TRIB1: variants seen among roughly 807,000 people sequenced by gnomAD.
TRIB1 encodes the protein tribbles pseudokinase 1.
Under a neutral mutation model 27.8 loss-of-function variants are expected in TRIB1, and 12 were observed. That is an observed-to-expected ratio of 0.43 (90% CI 0.28 to 0.70). The LOEUF (loss-of-function observed/expected upper bound fraction) is 0.70. Among genes scored for constraint, TRIB1 ranks in the 30% least tolerant of loss-of-function variants. TRIB1 has a pLI of 0.18. For synonymous variants in TRIB1, 230 were observed against 224.9 expected (o/e 1.02, Z -0.20); for missense variants, 475 against 515.8 (o/e 0.92, Z 0.77).
At position 125,430,606 on chromosome 8, in the gene TRIB1, C is replaced by G. The variant is rs1451675124; in HGVS notation, c.-297C>G. 2 of 315,642 alleles carry G rather than the reference C, an allele frequency of 6.3e-6. No homozygotes were observed. The highest frequency in any genetic ancestry group is 4.3e-5 in the African/African-American group (2 of 46,360). 19.6% of individuals were successfully genotyped at this position (315,642 alleles called of 1,614,324 possible). ...CTCTGCCTCCCGGACTATCGGCAGC[C>G]TCGGCAACAATAGTGGCGGCCGCCC... On this transcript the variant is annotated 5_prime_UTR_variant, in exon 1 of 3. Transcript: ENST00000311922.
rs766616585 is a variant in TRIB1, at chr8:125,433,655, C to G, written c.653+46C>G. The G allele has an allele frequency of 6.3e-7, 1 of 1,583,040 alleles. No homozygotes were observed. On this transcript the variant is annotated intron_variant, in intron 2 of 2. Coordinates refer to ENST00000311922, the MANE Select transcript of TRIB1 (RefSeq NM_025195.4). This position sits in a 1 kb window ranked among gnomAD's most constrained non-coding sequence, Gnocchi z 4.4. ...CTCCTGTGGCCTTTTGGAACCAAAG[C>G]GGAGGTGCAGGTCATGTAGTTAGGT...
chr8:125,432,561 A>G (rs1001704480), intron 1 of TRIB1, among the ~76,000 whole-genome samples: 1 of 152,128 alleles, frequency 6.6e-6, no homozygotes, highest in Non-Finnish European at 1.5e-5. Flanking sequence ...AAAGGCCTTT[A>G]AAGAGACCAG....
Position 125,430,681 on chromosome 8 carries a change from C to T in TRIB1, c.-222C>T. ...CCTGCGGGGGTCCGGGGACTCGAGC[C>T]GGCCTCCGCCTCCCGGACGCACAGC... On this transcript the variant is annotated 5_prime_UTR_variant, in exon 1 of 3. Coordinates refer to ENST00000311922, the MANE Select transcript of TRIB1 (RefSeq NM_025195.4). 4.0e-6 allele frequency: 2 copies of T among 502,864 alleles called. No individual in the cohort carries two copies. The highest frequency in any genetic ancestry group is 6.3e-6 in the Non-Finnish European group (2 of 315,718). The allele number at this position is 502,864 out of a possible 1,614,324, so 31.2% of individuals were successfully genotyped here.
At position 125,431,125 on chromosome 8, in the gene TRIB1, G is replaced by A. The variant is rs1814648051; in HGVS notation, c.223G>A (p.Ala75Thr). 2 of 1,319,468 alleles carry A rather than the reference G, an allele frequency of 1.5e-6. No individual in the cohort carries two copies. The highest frequency in any genetic ancestry group is 2.2e-5 in the South Asian group (1 of 44,848). The allele number at this position is 1,319,468 out of a possible 1,614,324, so 81.7% of individuals were successfully genotyped here. Residue 75 changes from alanine (A) to threonine (T), a missense_variant, in exon 1 of 3, where the codon GCT (alanine) becomes ACT (threonine). Coordinates refer to ENST00000311922, the MANE Select transcript of TRIB1 (RefSeq NM_025195.4). Reference sequence around the variant, plus strand: ...CTGCAGCCCGCAGCCCCCGCCTGCCGCTCCGGGGGCCGGCGGAGGCTCCGG... The same window carrying A: ...CTGCAGCCCGCAGCCCCCGCCTGCCACTCCGGGGGCCGGCGGAGGCTCCGG... Reference protein sequence around the residue: ...SPCSPQPPPAAPGAGGGSGSA... With the variant: ...SPCSPQPPPATPGAGGGSGSA...
rs1237411038 is a variant in TRIB1, at chr8:125,430,929, C to T, written c.27C>T (p.Ala9=). The T allele has an allele frequency of 6.8e-7, 1 of 1,467,880 alleles. No homozygotes were observed. Among genetic ancestry groups the T allele is most frequent in the Non-Finnish European group, 9.0e-7 (1 of 1,117,144 alleles). The allele number at this position is 1,467,880 out of a possible 1,614,324, so 90.9% of individuals were successfully genotyped here. A position where few individuals can be genotyped will look rare whatever the true frequency, so the allele number is the denominator to read the frequency against. Residue 9 remains alanine (A), a synonymous_variant, in exon 1 of 3, where the codon GCC becomes GCT. Transcript: ENST00000311922. MRVGPVRS[A]MSGASQPRGP... is the part of the protein sequence containing the mutation. ...TGCGGGTCGGTCCGGTGCGCTCTGC[C>T]ATGAGCGGCGCCTCGCAGCCCCGCG...
chr8:125,431,119 C>T lies in TRIB1; in HGVS notation c.217C>T (p.Pro73Ser). 7.6e-7 allele frequency: 1 copy of T among 1,322,266 alleles called. No individual in the cohort carries two copies. Among genetic ancestry groups the T allele is most frequent in the Non-Finnish European group, 9.6e-7 (1 of 1,043,842 alleles). The allele number at this position is 1,322,266 out of a possible 1,614,324, so 81.9% of individuals were successfully genotyped here. Residue 73 changes from proline (P) to serine (S), a missense_variant, in exon 1 of 3, where the codon CCT becomes TCT. Physicochemically the swap from Pro to Ser is moderately conservative, Grantham distance 74 (BLOSUM62 -1). Coordinates refer to ENST00000311922, the MANE Select transcript of TRIB1 (RefSeq NM_025195.4). ...CTCGCCCTGCAGCCCGCAGCCCCCGCCTGCCGCTCCGGGGGCCGGCGGAGG... is the reference window on the plus strand; with the variant it reads ...CTCGCCCTGCAGCCCGCAGCCCCCGTCTGCCGCTCCGGGGGCCGGCGGAGG... ...PGSPCSPQPP[P>S]AAPGAGGGSG...
rs78608330 is a variant in TRIB1 at position 125,433,956 on chromosome 8, G to A, written c.653+347G>A. 0.027 allele frequency among the ~76,000 whole-genome samples: 4,107 copies of A among 152,276 alleles called. 112 individuals are homozygous for A. Among genetic ancestry groups the A allele is most frequent in the East Asian group, 0.11 (548 of 5,180 alleles). Reference sequence around the variant, plus strand: ...GCCCTTTACGATATTGCCTTCTGAAGGAAGTGTTCAAATCTTTGCTTATGC... The same window carrying A: ...GCCCTTTACGATATTGCCTTCTGAAAGAAGTGTTCAAATCTTTGCTTATGC... On this transcript the variant is annotated intron_variant, in intron 2 of 2. Transcript: ENST00000311922. The surrounding 1 kb of genome is among the most constrained non-coding windows in gnomAD (Gnocchi z 4.4).
rs1381504322 is a variant in TRIB1, at chr8:125,433,303, C to G, written c.361-14C>G. The G allele has an allele frequency of 1.2e-6, 2 of 1,603,804 alleles. No homozygotes were observed. Among genetic ancestry groups the G allele is most frequent in the Admixed American group, 1.7e-5 (1 of 59,760 alleles). The stretch of plus-strand genomic sequence containing the variant: ...TTTTCTAGCCCCCTAAACGGGCCCC[C>G]CTTCTCTCTACAGGTGTTTCCCATT... On this transcript the variant is annotated splice_polypyrimidine_tract_variant and intron_variant, in intron 1 of 2. Coordinates refer to ENST00000311922, the MANE Select transcript of TRIB1 (RefSeq NM_025195.4). This position sits in a 1 kb window ranked among gnomAD's most constrained non-coding sequence, Gnocchi z 4.4.
rs529250403 is a variant in TRIB1, at chr8:125,433,204, C to T, written c.361-113C>T. Reference sequence around the variant, plus strand: ...AGAGGAAAGGAGTAGGTGAATGGAACTTACTCACATCCTAAGCCCACAGGT... The same window carrying T: ...AGAGGAAAGGAGTAGGTGAATGGAATTTACTCACATCCTAAGCCCACAGGT... On this transcript the variant is annotated intron_variant, in intron 1 of 2. Coordinates refer to ENST00000311922, the MANE Select transcript of TRIB1 (RefSeq NM_025195.4). The surrounding 1 kb of genome is among the most constrained non-coding windows in gnomAD (Gnocchi z 4.4). 2.6e-6 allele frequency: 3 copies of T among 1,160,244 alleles called. No homozygotes were observed. The highest frequency in any genetic ancestry group is 3.2e-5 in the African/African-American group (2 of 63,224). The allele number at this position is 1,160,244 out of a possible 1,614,324, so 71.9% of individuals were successfully genotyped here.
chr8:125,436,357 C>T lies in TRIB1; in HGVS notation c.1005C>T (p.His335=), dbSNP rs367840881. ...ERLTAPEILL[H]PWFESVLEPG... is the part of the protein sequence containing the mutation. ...TCACTGCCCCCGAGATCCTACTGCA[C>T]CCCTGGTTTGAGTCCGTCTTGGAAC... is the stretch of plus-strand genomic sequence containing the variant. Residue 335 remains histidine, a synonymous_variant, in exon 3 of 3, where the codon CAC becomes CAT. Coordinates refer to ENST00000311922, the MANE Select transcript of TRIB1 (RefSeq NM_025195.4). 8.7e-6 allele frequency: 14 copies of T among 1,613,886 alleles called. No individual in the cohort carries two copies. Among genetic ancestry groups the T allele is most frequent in the Non-Finnish European group, 1.2e-5 (14 of 1,180,016 alleles).
rs114613908 is a variant in TRIB1, at chr8:125,434,063, C to T, written c.653+454C>T. ...CAGAATTCCACCCTCTTGTTTCACA[C>T]AGCATTCCTCTCCCATCCCAGTCCA... On this transcript the variant is annotated intron_variant, in intron 2 of 2. Transcript: ENST00000311922. Among the ~76,000 whole-genome samples, 1,098 of 152,310 alleles carry T rather than the reference C, an allele frequency of 7.2e-3. 13 individuals are homozygous for T. Among genetic ancestry groups the T allele is most frequent in the African/African-American group, 0.025 (1,049 of 41,552 alleles).
chr8:125,431,286 C>T, intron 1 of TRIB1, 24 bp downstream of exon 1: 3 of 1,252,876 alleles, frequency 2.4e-6, no homozygotes, highest in South Asian at 3.3e-5. Context: ...GGCCAGGACC[C>T]GGCTGGGGTC....
intron 2 of TRIB1, 97 bp from the exon 3 acceptor site, chr8:125,435,909 C>G (rs570640714): frequency 3.0e-6 from 3 of 1,010,308 alleles, no homozygotes; most frequent in South Asian, 1.6e-5. Flanking sequence ...ATTCCTGGAG[C>G]CTTTGCTGTT....
chr8:125,430,782 C>A lies in TRIB1; in HGVS notation c.-121C>A. The A allele has an allele frequency of 7.9e-7, 1 of 1,269,892 alleles. No homozygotes were observed. Among genetic ancestry groups the A allele is most frequent in the Non-Finnish European group, 1.0e-6 (1 of 991,924 alleles). 78.7% of individuals were successfully genotyped at this position (1,269,892 alleles called of 1,614,324 possible). A position where few individuals can be genotyped will look rare whatever the true frequency, so the allele number is the denominator to read the frequency against. On this transcript the variant is annotated 5_prime_UTR_variant, in exon 1 of 3. Transcript: ENST00000311922. ...GCCCCTCGTGGGGGCCGAGCCAAGACCAGTCTGCAAACTCCATCCCGCCGG... is the reference window on the plus strand; with the variant it reads ...GCCCCTCGTGGGGGCCGAGCCAAGAACAGTCTGCAAACTCCATCCCGCCGG...
In TRIB1 at chr8:125,436,038, C is replaced by A; in HGVS notation, c.686C>A (p.Thr229Lys). 1 of 1,614,116 alleles carries A rather than the reference C, an allele frequency of 6.2e-7. No homozygotes were observed. The highest frequency in any genetic ancestry group is 2.2e-5 in the East Asian group (1 of 44,882). The change falls in exon 3 of 3, where the codon ACA becomes AAA. Residue 229 changes from threonine (T) to lysine (K), a missense_variant. Transcript: ENST00000311922. ...TQLRLESLED[T>K]HIMKGEDDAL... ...CTTAGACTAGAAAGTCTAGAAGACA[C>A]ACACATAATGAAGGGGGAAGATGAT... is the stretch of plus-strand genomic sequence containing the variant.
At position 125,433,442 on chromosome 8, in the gene TRIB1, G is replaced by T. The variant is rs769371321; in HGVS notation, c.486G>T (p.Lys162Asn). 3 of 1,614,124 alleles carry T rather than the reference G, an allele frequency of 1.9e-6. No individual in the cohort carries two copies. In the African/African-American group the frequency reaches 4.0e-5, roughly 22 times the overall value. ...CCAAGGCCTATGTCTTCTTTGAGAA[G>T]GACTTTGGGGACATGCACTCCTATG... ...GETKAYVFFE[K>N]DFGDMHSYVR... Residue 162 changes from lysine to asparagine, a missense_variant, in exon 2 of 3, where the codon AAG becomes AAT. Lys to Asn is a moderately conservative substitution (Grantham distance 94, BLOSUM62 0). Coordinates refer to ENST00000311922, the MANE Select transcript of TRIB1 (RefSeq NM_025195.4). The surrounding 1 kb of genome is among the most constrained non-coding windows in gnomAD (Gnocchi z 4.4).
At chr8:125,435,879 TG>T in intron 2 of TRIB1, 126 bp from the exon 3 acceptor site, 1 of 754,088 alleles carries the variant, frequency 1.3e-6, no homozygotes, top group Non-Finnish European at 2.1e-6. Flanking sequence ...CACTGCTTAC[TG>T]GACGAAGGGG....
chr8:125,434,377 G>A lies in TRIB1; in HGVS notation c.653+768G>A, dbSNP rs56768317. ...TTGTGGAAAGATTACAAGCAGTAAGGCTGTAACATTGTAGAGGTGAGAGTG... is the reference window on the plus strand; with the variant it reads ...TTGTGGAAAGATTACAAGCAGTAAGACTGTAACATTGTAGAGGTGAGAGTG... On this transcript the variant is annotated intron_variant, in intron 2 of 2. Coordinates refer to ENST00000311922, the MANE Select transcript of TRIB1 (RefSeq NM_025195.4). 1.4e-3 allele frequency among the ~76,000 whole-genome samples: 212 copies of A among 152,316 alleles called. 1 individual carries two copies. The highest frequency in any genetic ancestry group is 4.9e-3 in the African/African-American group (202 of 41,580).
At chr8:125,432,380 G>C (rs1814672703) in intron 1 of TRIB1, 1 of 834,156 alleles carries the variant, frequency 1.2e-6, no homozygotes, top group Non-Finnish European at 1.4e-6. Context: ...GGCAGCAGGG[G>C]ATTTTTCTAG....
Sources: gnomAD v4.1 joint callset for allele counts (sites outside exome capture counted in the v4.1 genomes callset) on GRCh38, gnomAD v4.1.1 for gene constraint, Gnocchi (gnomAD v3.1) non-coding constraint, MANE v1.5 for transcripts, NCBI Gene and HGNC (gene_info 2026-07-23, HGNC 2026-07-21) for gene names.